The following TP53BP1 variants were observed in gnomAD, a reference collection of about 807,000 sequenced individuals.
TP53BP1 encodes tumor protein p53 binding protein 1, also known as TP53-binding protein 1.
In TP53BP1, 61 loss-of-function variants were observed where a neutral mutation model predicts 200.8. That is an observed-to-expected ratio of 0.30 (90% CI 0.25 to 0.38). TP53BP1 has a LOEUF of 0.38. TP53BP1 is among the 10% of genes least tolerant of loss of function. The pLI, the probability that TP53BP1 is intolerant of heterozygous loss-of-function variation, is 1.00. For missense variants in TP53BP1, 2,144 were observed against 2,371.9 expected (o/e 0.90, Z 2.00); for synonymous variants, 822 against 844.3 (o/e 0.97, Z 0.46).
chr15:43,479,285 G>C lies in TP53BP1; in HGVS notation c.788+112C>G. 4 of 1,207,740 alleles carry C rather than the reference G, an allele frequency of 3.3e-6. No homozygotes were observed. In the South Asian group the frequency reaches 7.0e-5, roughly 21 times the overall value. 74.8% of individuals were successfully genotyped at this position (1,207,740 alleles called of 1,614,324 possible). ...GGACCACAAGTATGCCCAGTACAAG[G>C]GGAAAATAATTTAAAAATCAACAAT... On this transcript the variant is annotated intron_variant, in intron 7 of 27. Coordinates refer to ENST00000382044, the MANE Select transcript of TP53BP1 (RefSeq NM_001141980.3).
chr15:43,443,711 A>G (rs1414143999), intron 14 of TP53BP1, among the ~76,000 whole-genome samples: 1 of 152,122 alleles, frequency 6.6e-6, no homozygotes, highest in African/African-American at 2.4e-5. Flanking sequence ...AATAACAACA[A>G]AAAGAAACAA....
Position 43,469,950 on chromosome 15 carries a change from C to T in TP53BP1, c.1297G>A (p.Val433Ile), listed in dbSNP as rs1295099562. ...ENPPLLPESTVSPQASTPISQ... is the reference protein window; with the variant it reads ...ENPPLLPESTISPQASTPISQ... ...ATTGGTGTTGAGGCTTGTGGTGATA[C>T]AGTGGACTCAGGCAGGAGAGGGGGG... The change falls in exon 11 of 28, where the codon GTA (valine) becomes ATA (isoleucine). Residue 433 changes from valine to isoleucine, a missense_variant. Transcript: ENST00000382044. 2.5e-6 allele frequency: 4 copies of T among 1,613,908 alleles called. No individual in the cohort carries two copies. Among genetic ancestry groups the T allele is most frequent in the Non-Finnish European group, 2.5e-6 (3 of 1,180,034 alleles).
chr15:43,418,326 C>T (rs1286960700), intron 21 of TP53BP1, among the ~76,000 whole-genome samples: 15 of 150,752 alleles, frequency 1.0e-4, no homozygotes, highest in African/African-American at 3.4e-4. Context: ...GGCGAAACCC[C>T]ATCTCTACGA....
chr15:43,471,003 C>T (rs1362301487), intron 10 of TP53BP1, among the ~76,000 whole-genome samples: 2 of 152,160 alleles, frequency 1.3e-5, no homozygotes, highest in African/African-American at 4.8e-5. Flanking sequence ...CATAGCTGTG[C>T]TAAGTATTTT....
At chr15:43,422,219 T>A in intron 18 of TP53BP1, 93 bp from the exon 19 acceptor site, 2 of 1,385,538 alleles carry the variant, frequency 1.4e-6, no homozygotes, top group Non-Finnish European at 9.8e-7. Flanking sequence ...GGCACAAAAT[T>A]ATAATTCAAA....
chr15:43,411,912 A>G (rs1368795432), intron 24 of TP53BP1, among the ~76,000 whole-genome samples: 1 of 152,186 alleles, frequency 6.6e-6, no homozygotes, highest in Non-Finnish European at 1.5e-5. Flanking sequence ...AAGTCCAGCA[A>G]TATTGTAAAA....
chr15:43,493,591 A>G (rs1415917672), upstream of TP53BP1, among the ~76,000 whole-genome samples: 3 of 152,120 alleles, frequency 2.0e-5, no homozygotes, highest in African/African-American at 7.2e-5. Flanking sequence ...TGGTGAACCC[A>G]ACAGAAGAGA....
chr15:43,509,193 G>A (rs1441063101), intron 1 of TP53BP1, among the ~76,000 whole-genome samples: 1 of 106,602 alleles, frequency 9.4e-6, no homozygotes, highest in Non-Finnish European at 1.9e-5. Flanking sequence ...ACAAACGGGG[G>A]GGGGGGGGGC....
At chr15:43,498,750 C>T (rs747651862) in intron 1 of TP53BP1, among the ~76,000 whole-genome samples, 6 of 152,008 alleles carry the variant, frequency 3.9e-5, no homozygotes, top group South Asian at 4.1e-4. Flanking sequence ...AGATTAGTAA[C>T]GAATCAATGT....
intron 13 of TP53BP1, 119 bp from the exon 14 acceptor site, chr15:43,446,709 G>A: frequency 6.5e-7 from 1 of 1,535,608 alleles, no homozygotes; most frequent in Non-Finnish European, 8.8e-7. Flanking sequence ...GATTGAAGGA[G>A]GTTCCTAGGA....
intron 12 of TP53BP1, among the ~76,000 whole-genome samples, chr15:43,455,235 G>A (rs2046265205): frequency 6.6e-6 from 1 of 151,858 alleles, no homozygotes; most frequent in African/African-American, 2.4e-5. Context: ...TTACCACACA[G>A]AGTTAATCAA....
Position 43,479,431 on chromosome 15 carries a change from G to A in TP53BP1, c.754C>T (p.His252Tyr). ...GGTGGATTTTGCTCTTTTACAACATGTACATCCTTACTGGGCTGTGCTGTC... is the reference window on the plus strand; with the variant it reads ...GGTGGATTTTGCTCTTTTACAACATATACATCCTTACTGGGCTGTGCTGTC... ...PVTAQPSKDV[H>Y]VVKEQNPPPA... Residue 252 changes from histidine to tyrosine, a missense_variant, in exon 7 of 28, where the codon CAT becomes TAT. Around this residue, in one of 4 missense-constraint regions of TP53BP1, gnomAD observed 1,700 missense variants for 1,710.3 expected, o/e 0.99. Transcript: ENST00000382044. 1 of 1,611,148 alleles carries A rather than the reference G, an allele frequency of 6.2e-7. No homozygotes were observed. The highest frequency in any genetic ancestry group is 8.5e-7 in the Non-Finnish European group (1 of 1,178,896).
intron 11 of TP53BP1, among the ~76,000 whole-genome samples, chr15:43,467,175 C>T (rs952109736): frequency 6.6e-6 from 1 of 151,938 alleles, no homozygotes; most frequent in Non-Finnish European, 1.5e-5. Context: ...AGGCAATTCT[C>T]CTGCCTCAGC....
chr15:43,474,797 T>C, intron 9 of TP53BP1, 30 bp from the exon 10 acceptor site: 1 of 1,484,318 alleles, frequency 6.7e-7, no homozygotes, highest in Non-Finnish European at 9.4e-7. Context: ...CACAGGTTAT[T>C]TTACCATAGC....
At chr15:43,491,940 A>G (rs2079129618) in intron 3 of TP53BP1, 62 bp downstream of exon 3, 1 of 1,320,058 alleles carries the variant, frequency 7.6e-7, no homozygotes, top group Non-Finnish European at 1.1e-6. Context: ...GTTTAAATCC[A>G]CCCAGCACCA....
In TP53BP1 at chr15:43,431,410, T is replaced by G. The variant is rs191865491; in HGVS notation, c.3675+784A>C. On this transcript the variant is annotated intron_variant, in intron 17 of 27. Coordinates refer to ENST00000382044, the MANE Select transcript of TP53BP1 (RefSeq NM_001141980.3). ...TACATTTCTACGACTTCTTTTCATCTACTCAATTTTTTTTTTAAGAGACAA... is the reference window on the plus strand; with the variant it reads ...TACATTTCTACGACTTCTTTTCATCGACTCAATTTTTTTTTTAAGAGACAA... 5.9e-5 allele frequency among the ~76,000 whole-genome samples: 9 copies of G among 152,254 alleles called. No homozygotes were observed. In the East Asian group the frequency reaches 1.7e-3, roughly 29 times the overall value.
At chr15:43,438,537 C>T in intron 15 of TP53BP1, 121 bp from the exon 16 acceptor site, 1 of 711,344 alleles carries the variant, frequency 1.4e-6, no homozygotes, top group Non-Finnish European at 2.2e-6. Flanking sequence ...TCCAAACCAC[C>T]TTACACCAAA....
chr15:43,446,614 A>G, intron 13 of TP53BP1, 24 bp from the exon 14 acceptor site: 5 of 1,600,800 alleles, frequency 3.1e-6, no homozygotes, highest in Non-Finnish European at 4.3e-6. Context: ...GGCAGGGAGG[A>G]AGAAAAAAAG....
chr15:43,406,496 C>T lies in TP53BP1; in HGVS notation c.*887G>A, dbSNP rs1278936546. On this transcript the variant is annotated 3_prime_UTR_variant, in exon 28 of 28. Transcript: ENST00000382044. ...AAACACAGCCATGCCCATTTGTTTA[C>T]TCATTGTCTATGGTTGCTTTCATGC... 7.9e-5 allele frequency: 33 copies of T among 419,940 alleles called. No homozygotes were observed. The highest frequency in any genetic ancestry group is 1.4e-4 in the Non-Finnish European group (30 of 210,786). 26.0% of individuals were successfully genotyped at this position (419,940 alleles called of 1,614,324 possible). A position where few individuals can be genotyped will look rare whatever the true frequency, so the allele number is the denominator to read the frequency against.
Sources: allele counts gnomAD v4.1 joint callset (sites outside exome capture counted in the v4.1 genomes callset), GRCh38; gene constraint gnomAD v4.1.1; regional missense constraint gnomAD v4.1.1; transcripts MANE v1.5; gene names NCBI Gene and HGNC (gene_info 2026-07-23, HGNC 2026-07-21).